The following STXBP5 variants were observed in gnomAD, a reference collection of about 807,000 sequenced individuals.
STXBP5 encodes the protein syntaxin binding protein 5.
Under a neutral mutation model 152.4 loss-of-function variants are expected in STXBP5, and 50 were observed. The ratio of observed to expected loss-of-function variants is 0.33; its 90% CI spans 0.26 to 0.42. The LOEUF (loss-of-function observed/expected upper bound fraction) is 0.42, where lower values mean the gene tolerates loss of function less well. STXBP5 is among the 10% of genes least tolerant of loss of function. The pLI is 1.00. For missense variants in STXBP5, 1,167 were observed against 1,388.6 expected, an observed-to-expected ratio of 0.84 and a Z score of 2.54; for synonymous variants, 492 against 494.7, an observed-to-expected ratio of 0.99 and a Z score of 0.07.
At chr6:147,358,211 G>GAA (rs547906554) in intron 22 of STXBP5, among the ~76,000 whole-genome samples, 2 of 142,700 alleles carry the variant, frequency 1.4e-5, no homozygotes, top group African/African-American at 5.1e-5. Context: ...GGGCAAATCT[G>GAA]AAAAAAAAAA....
At chr6:147,295,655 G>T (rs975307500) in intron 9 of STXBP5, among the ~76,000 whole-genome samples, 1 of 152,160 alleles carries the variant, frequency 6.6e-6, no homozygotes, top group Non-Finnish European at 1.5e-5. Flanking sequence ...ACTTCCCCTT[G>T]TGGGGAAAAC....
In STXBP5 at chr6:147,213,477, T is replaced by TGTGC; in HGVS notation, c.248+7410_248+7411insTGCG. Among the ~76,000 whole-genome samples, 1,238 of 131,204 alleles carry TGTGC rather than the reference T, an allele frequency of 9.4e-3. 9 individuals carry two copies. Among genetic ancestry groups the TGTGC allele is most frequent in the Admixed American group, 0.031 (412 of 13,334 alleles). The allele number at this position is 131,204 out of a possible 152,430, so 86.1% of individuals were successfully genotyped here. On this transcript the variant is annotated intron_variant, in intron 2 of 27. Transcript: ENST00000321680. ...GTGTGTGTGTGTGTGTGTGTGTGTG[T>TGTGC]GCGCGCGCATATATATATTTTTTCT...
intron 4 of STXBP5, among the ~76,000 whole-genome samples, chr6:147,253,647 A>C (rs1316752723): frequency 6.6e-6 from 1 of 152,188 alleles, no homozygotes; most frequent in Non-Finnish European, 1.5e-5. Flanking sequence ...AAGCATTCCT[A>C]GACAAATAGA....
chr6:147,368,566 A>G (rs186034700), intron 25 of STXBP5, among the ~76,000 whole-genome samples: 1 of 152,282 alleles, frequency 6.6e-6, no homozygotes, highest in African/African-American at 2.4e-5. Flanking sequence ...CAGCAATTAC[A>G]GAAGAATGTT....
intron 21 of STXBP5, among the ~76,000 whole-genome samples, chr6:147,350,514 A>G (rs1302382561): frequency 6.6e-6 from 1 of 152,288 alleles, no homozygotes; most frequent in Non-Finnish European, 1.5e-5. Flanking sequence ...TATCTTATAA[A>G]TCACTGAAGT....
chr6:147,328,385 C>G (rs1349266621), intron 18 of STXBP5, among the ~76,000 whole-genome samples: 1 of 152,190 alleles, frequency 6.6e-6, no homozygotes, highest in Non-Finnish European at 1.5e-5. Context: ...TTGGGAAGCT[C>G]TGGTCTGTAC....
intron 5 of STXBP5, among the ~76,000 whole-genome samples, chr6:147,261,955 A>G (rs1414104331): frequency 2.0e-5 from 3 of 151,956 alleles, no homozygotes; most frequent in African/African-American, 4.8e-5. Context: ...GTAAAATAAG[A>G]TAGGTGCTGC....
At chr6:147,253,660 CAGAG>C (rs777298357) in intron 4 of STXBP5, among the ~76,000 whole-genome samples, 69 of 152,114 alleles carry the variant, frequency 4.5e-4, no homozygotes, top group Admixed American at 9.2e-4. Context: ...CAAATAGAGA[CAGAG>C]AGCCAAATCA....
chr6:147,220,787 G>T (rs376762064), intron 2 of STXBP5, among the ~76,000 whole-genome samples: 1 of 152,078 alleles, frequency 6.6e-6, no homozygotes. Flanking sequence ...TGCAGACAGC[G>T]TATAGCTGGG....
rs1786319309 is a variant in STXBP5 at position 147,385,972 on chromosome 6, A to G, written c.*1217A>G. 6.6e-6 allele frequency: 1 copy of G among 152,140 alleles called. No homozygotes were observed. Among genetic ancestry groups the G allele is most frequent in the African/African-American group, 2.4e-5 (1 of 41,460 alleles). 9.4% of individuals were successfully genotyped at this position (152,140 alleles called of 1,614,324 possible). On this transcript the variant is annotated 3_prime_UTR_variant, in exon 28 of 28. Coordinates refer to ENST00000321680, the MANE Select transcript of STXBP5 (RefSeq NM_001127715.4). Reference sequence around the variant, plus strand: ...GTACATATCCTTTCAAGGTTTTAAAAAACCAAAAAGAAAGGAAAATATGTA... The same window carrying G: ...GTACATATCCTTTCAAGGTTTTAAAGAACCAAAAAGAAAGGAAAATATGTA...
In STXBP5 at chr6:147,388,833, A is replaced by G. The variant is rs1786460744; in HGVS notation, c.*4078A>G. ...AGATATATATATATATATTTAAAATAGTTTTCCAGGTATTTTCTTCTACCT... is the reference window on the plus strand; with the variant it reads ...AGATATATATATATATATTTAAAATGGTTTTCCAGGTATTTTCTTCTACCT... On this transcript the variant is annotated 3_prime_UTR_variant, in exon 28 of 28. Transcript: ENST00000321680. 6.6e-6 allele frequency: 1 copy of G among 150,752 alleles called. No homozygotes were observed. Among genetic ancestry groups the G allele is most frequent in the South Asian group, 2.1e-4 (1 of 4,824 alleles). The allele number at this position is 150,752 out of a possible 1,614,324, so 9.3% of individuals were successfully genotyped here. A position where few individuals can be genotyped will look rare whatever the true frequency, so the allele number is the denominator to read the frequency against.
chr6:147,334,298 A>G lies in STXBP5; in HGVS notation c.2146+76A>G, dbSNP rs1582959992. 4 of 1,312,000 alleles carry G rather than the reference A, an allele frequency of 3.0e-6. No homozygotes were observed. In the East Asian group the frequency reaches 9.9e-5, roughly 33 times the overall value. 81.3% of individuals were successfully genotyped at this position (1,312,000 alleles called of 1,614,324 possible). The stretch of plus-strand genomic sequence containing the variant: ...AGATAGCATACTAGTGTACATTTTG[A>G]TAGATATGCATTTAAAATACATCTA... On this transcript the variant is annotated intron_variant, in intron 19 of 27. Coordinates refer to ENST00000321680, the MANE Select transcript of STXBP5 (RefSeq NM_001127715.4).
chr6:147,265,601 G>C (rs1779852836), intron 6 of STXBP5, among the ~76,000 whole-genome samples: 1 of 152,008 alleles, frequency 6.6e-6, no homozygotes. Context: ...GAATGAAAGG[G>C]GAGGAGGTTT....
At chr6:147,246,980 T>C (rs1013576140) in intron 4 of STXBP5, among the ~76,000 whole-genome samples, 2 of 152,222 alleles carry the variant, frequency 1.3e-5, no homozygotes, top group Non-Finnish European at 1.5e-5. Context: ...TTTATTACAT[T>C]ATACTCTTAT....
intron 6 of STXBP5, among the ~76,000 whole-genome samples, chr6:147,263,182 A>T (rs1332400053): frequency 1.3e-5 from 2 of 151,980 alleles, no homozygotes; most frequent in Non-Finnish European, 2.9e-5. Context: ...AAGGATAATT[A>T]GACCGTTTGG....
intron 25 of STXBP5, among the ~76,000 whole-genome samples, 161 bp from the exon 26 acceptor site, chr6:147,373,570 C>A (rs2128419292): frequency 6.6e-6 from 1 of 152,230 alleles, no homozygotes; most frequent in Non-Finnish European, 1.5e-5. Flanking sequence ...TTGAATAAAT[C>A]AGCACGTTCT....
At chr6:147,213,475 T>TGC (rs1361174338) in intron 2 of STXBP5, among the ~76,000 whole-genome samples, 18 of 132,290 alleles carry the variant, frequency 1.4e-4, no homozygotes, top group African/African-American at 3.5e-4. Context: ...TGTGTGTGTG[T>TGC]GTGCGCGCGC....
At chr6:147,220,571 C>G (rs1211744728) in intron 2 of STXBP5, among the ~76,000 whole-genome samples, 2 of 152,086 alleles carry the variant, frequency 1.3e-5, no homozygotes, top group Admixed American at 1.3e-4. Flanking sequence ...TAGGTGCATA[C>G]ACCTTAAGGA....
Position 147,384,930 on chromosome 6 carries a change from C to A in STXBP5, c.*175C>A. On this transcript the variant is annotated 3_prime_UTR_variant, in exon 28 of 28. Coordinates refer to ENST00000321680, the MANE Select transcript of STXBP5 (RefSeq NM_001127715.4). Reference sequence around the variant, plus strand: ...TGTGGCTTTAACTGAGGAGTGTTCACACGCACTCGAAATGGAGTATATGGT... The same window carrying A: ...TGTGGCTTTAACTGAGGAGTGTTCAAACGCACTCGAAATGGAGTATATGGT... 1 of 653,828 alleles carries A rather than the reference C, an allele frequency of 1.5e-6. No individual in the cohort carries two copies. Among genetic ancestry groups the A allele is most frequent in the Non-Finnish European group, 2.7e-6 (1 of 369,176 alleles). 40.5% of individuals were successfully genotyped at this position (653,828 alleles called of 1,614,324 possible). A position where few individuals can be genotyped will look rare whatever the true frequency, so the allele number is the denominator to read the frequency against.
Sources: allele counts gnomAD v4.1 joint callset (sites outside exome capture counted in the v4.1 genomes callset), GRCh38; gene constraint gnomAD v4.1.1; transcripts MANE v1.5; gene names NCBI Gene and HGNC (gene_info 2026-07-23, HGNC 2026-07-21).